ZFYVE1: variants seen among roughly 807,000 people sequenced by gnomAD.
ZFYVE1 encodes the protein zinc finger FYVE-type containing 1, also known as zinc finger FYVE domain-containing protein 1.
Under a neutral mutation model 74.4 loss-of-function variants are expected in ZFYVE1, and 30 were observed. The observed-to-expected ratio is 0.40, with a 90% confidence interval of 0.30 to 0.55. The LOEUF (loss-of-function observed/expected upper bound fraction) is 0.55, where lower values mean the gene tolerates loss of function less well. ZFYVE1 is among the 20% of genes least tolerant of loss of function. ZFYVE1 has a pLI of 0.42. For missense variants in ZFYVE1, 703 were observed against 1,011.6 expected (o/e 0.69, Z 4.14); for synonymous variants, 335 against 385.1 (o/e 0.87, Z 1.52).
chr14:73,022,107 A>G (rs1165900974), intron 2 of ZFYVE1, among the ~76,000 whole-genome samples: 1 of 152,222 alleles, frequency 6.6e-6, no homozygotes, highest in African/African-American at 2.4e-5. Flanking sequence ...TCCATTTATA[A>G]AAGATTCAGT....
intron 2 of ZFYVE1, among the ~76,000 whole-genome samples, chr14:73,021,252 G>A (rs981506489): frequency 4.6e-5 from 7 of 152,110 alleles, no homozygotes; most frequent in African/African-American, 1.7e-4. Context: ...GGAGGCTGAG[G>A]CAGGAGAATC....
intron 2 of ZFYVE1, among the ~76,000 whole-genome samples, chr14:73,003,328 C>T (rs10133784): frequency 0.49 from 74,582 of 151,838 alleles, 18,900 homozygotes; most frequent in African/African-American, 0.59. Flanking sequence ...AGTGCTGGGA[C>T]TATAGAGGTG....
At chr14:73,015,599 C>G (rs1344006144) in intron 2 of ZFYVE1, among the ~76,000 whole-genome samples, 2 of 152,032 alleles carry the variant, frequency 1.3e-5, no homozygotes, top group Non-Finnish European at 2.9e-5. Context: ...AGCCAGGCTG[C>G]TCTCGAATTC....
intron 11 of ZFYVE1, among the ~76,000 whole-genome samples, chr14:72,972,947 C>T (rs1893072941): frequency 1.3e-5 from 2 of 151,964 alleles, no homozygotes; most frequent in South Asian, 4.1e-4. Context: ...CTTCGTGATC[C>T]ACCTGCCTTG....
chr14:73,002,499 G>C (rs1893893249), intron 2 of ZFYVE1, among the ~76,000 whole-genome samples: 1 of 151,918 alleles, frequency 6.6e-6, no homozygotes, highest in Admixed American at 6.6e-5. Context: ...CTGGAGTGCA[G>C]TGGCATGATC....
In ZFYVE1 at chr14:72,998,319, C is replaced by CAA. The variant is rs3061072; in HGVS notation, c.484-6_484-5dup. The CAA allele has an allele frequency of 0.24, 279,000 of 1,183,754 alleles. 7,877 individuals are homozygous for CAA. The highest frequency in any genetic ancestry group is 0.25 in the Non-Finnish European group (227,231 of 920,858). 73.3% of individuals were successfully genotyped at this position (1,183,754 alleles called of 1,614,324 possible). ...TAAAGTCTTCTTCATTTGTTACCTG[C>CAA]AAAAAAAAAAAAAAAGACCATGAAA... On this transcript the variant is annotated splice_region_variant and splice_polypyrimidine_tract_variant and intron_variant, in intron 2 of 11. Coordinates refer to ENST00000556143, the MANE Select transcript of ZFYVE1 (RefSeq NM_021260.4).
intron 2 of ZFYVE1, among the ~76,000 whole-genome samples, chr14:73,003,545 C>T (rs1421794704): frequency 6.6e-6 from 1 of 152,112 alleles, no homozygotes; most frequent in Non-Finnish European, 1.5e-5. Flanking sequence ...GACCCCAACT[C>T]TACAAAATCA....
chr14:73,003,254 C>T lies in ZFYVE1; in HGVS notation c.484-4939G>A, dbSNP rs112405858. On this transcript the variant is annotated intron_variant, in intron 2 of 11. Coordinates refer to ENST00000556143, the MANE Select transcript of ZFYVE1 (RefSeq NM_021260.4). Reference sequence around the variant, plus strand: ...TGTACTTTTAGTAGAGATGGGATTTCGCCATGTTTGCCAGGCTGGTCTCAA... The same window carrying T: ...TGTACTTTTAGTAGAGATGGGATTTTGCCATGTTTGCCAGGCTGGTCTCAA... Among the ~76,000 whole-genome samples, 1,080 of 151,932 alleles carry T rather than the reference C, an allele frequency of 7.1e-3. 10 individuals are homozygous for T. Among genetic ancestry groups the T allele is most frequent in the African/African-American group, 0.024 (1,001 of 41,440 alleles).
chr14:72,994,762 C>G (rs1893706540), intron 3 of ZFYVE1, among the ~76,000 whole-genome samples: 1 of 152,190 alleles, frequency 6.6e-6, no homozygotes, highest in African/African-American at 2.4e-5. Flanking sequence ...TTGCTCTTTT[C>G]TCACTTAATA....
At chr14:72,995,590 C>A (rs931225055) in intron 3 of ZFYVE1, among the ~76,000 whole-genome samples, 1 of 152,146 alleles carries the variant, frequency 6.6e-6, no homozygotes, top group African/African-American at 2.4e-5. Context: ...GGCAATTAAA[C>A]CTTCCCCTCA....
chr14:72,969,461 T>C lies in ZFYVE1; in HGVS notation c.*1421A>G, dbSNP rs1402507057. ...CCAGCACAGTCGAGATGCAGGAAGA[T>C]TCCTTTATGATGGCGAATTGGATGG... On this transcript the variant is annotated 3_prime_UTR_variant, in exon 12 of 12. Transcript: ENST00000556143. 2.2e-6 allele frequency: 1 copy of C among 458,030 alleles called. No homozygotes were observed. The highest frequency in any genetic ancestry group is 3.8e-6 in the Non-Finnish European group (1 of 260,250). 28.4% of individuals were successfully genotyped at this position (458,030 alleles called of 1,614,324 possible). A position where few individuals can be genotyped will look rare whatever the true frequency, so the allele number is the denominator to read the frequency against.
rs762097829 is a variant in ZFYVE1 at position 72,978,849 on chromosome 14, C to T, written c.1419+12G>A. 4.3e-6 allele frequency: 7 copies of T among 1,612,620 alleles called. No individual in the cohort carries two copies. Among genetic ancestry groups the T allele is most frequent in the African/African-American group, 1.3e-5 (1 of 74,876 alleles). On this transcript the variant is annotated intron_variant, in intron 6 of 11. Coordinates refer to ENST00000556143, the MANE Select transcript of ZFYVE1 (RefSeq NM_021260.4). ...CCCGCTGCTGACACAGGGAGGAGCT[C>T]GGAGGACTCACCTTGCAGGTATACA...
intron 2 of ZFYVE1, among the ~76,000 whole-genome samples, chr14:73,023,567 T>C (rs940034351): frequency 1.3e-5 from 2 of 150,996 alleles, no homozygotes; most frequent in Non-Finnish European, 2.9e-5. Context: ...AGCACTCCCA[T>C]GGGACCCACT....
intron 2 of ZFYVE1, among the ~76,000 whole-genome samples, chr14:73,016,263 T>G (rs1207899445): frequency 1.3e-5 from 2 of 152,216 alleles, no homozygotes; most frequent in Admixed American, 1.3e-4. Context: ...TGTAATCCCA[T>G]CACTTTGGGA....
In ZFYVE1 at chr14:72,971,086, C is replaced by T. The variant is rs375138525; in HGVS notation, c.2130G>A (p.Ala710=). 34 of 1,614,102 alleles carry T rather than the reference C, an allele frequency of 2.1e-5. No individual in the cohort carries two copies. Among genetic ancestry groups the T allele is most frequent in the South Asian group, 3.3e-5 (3 of 91,088 alleles). Residue 710 remains alanine, a synonymous_variant, in exon 12 of 12, where the codon GCG becomes GCA. Transcript: ENST00000556143. The part of the protein sequence containing the change: ...LGLVKDAARP[A]YWVPDHEILH... ...GGATTTCGTGGTCAGGCACCCAGTA[C>T]GCAGGCCTGGCCGCGTCCTTTACCA...
At chr14:72,994,374 A>G (rs923565281) in intron 3 of ZFYVE1, among the ~76,000 whole-genome samples, 2 of 150,418 alleles carry the variant, frequency 1.3e-5, no homozygotes, top group Non-Finnish European at 3.0e-5. Context: ...CTCAATGTAC[A>G]TGAAGTACAT....
chr14:72,982,543 T>A (rs1893362365), intron 4 of ZFYVE1, among the ~76,000 whole-genome samples: 1 of 152,192 alleles, frequency 6.6e-6, no homozygotes, highest in African/African-American at 2.4e-5. Flanking sequence ...AATTTCAGGT[T>A]GAAATGTAGC....
chr14:73,011,456 C>T (rs529023471), intron 2 of ZFYVE1, among the ~76,000 whole-genome samples: 1 of 152,250 alleles, frequency 6.6e-6, no homozygotes, highest in East Asian at 1.9e-4. Flanking sequence ...CACTGCACTC[C>T]AGCCTGGGCA....
intron 2 of ZFYVE1, among the ~76,000 whole-genome samples, chr14:73,000,782 C>T (rs1358378079): frequency 6.6e-6 from 1 of 152,130 alleles, no homozygotes; most frequent in Non-Finnish European, 1.5e-5. Flanking sequence ...CTAAGTACAT[C>T]AATGTTCACA....
Sources: allele counts gnomAD v4.1 joint callset (sites outside exome capture counted in the v4.1 genomes callset), GRCh38; gene constraint gnomAD v4.1.1; transcripts MANE v1.5; gene names NCBI Gene and HGNC (gene_info 2026-07-23, HGNC 2026-07-21).